The following GUCY1A2 variants were observed in gnomAD, a reference collection of about 807,000 sequenced individuals.
GUCY1A2 encodes guanylate cyclase 1 soluble subunit alpha 2, also known as guanylate cyclase soluble subunit alpha-2.
A neutral mutation model predicts 63.5 loss-of-function variants in GUCY1A2; 27 were observed. The ratio of observed to expected loss-of-function variants is 0.43; its 90% CI spans 0.31 to 0.59. GUCY1A2 has a LOEUF of 0.59. Among genes scored for constraint, GUCY1A2 ranks in the 20% least tolerant of loss-of-function variants. The probability of loss-of-function intolerance (pLI) is 0.11; values close to 1 mark genes in which losing one functional copy is unlikely to be tolerated. For missense variants in GUCY1A2, 768 were observed against 913.3 expected (o/e 0.84, Z 2.05); for synonymous variants, 364 against 343.5 (o/e 1.06, Z -0.66).
chr11:106,900,196 T>C (rs1860111675), intron 4 of GUCY1A2, among the ~76,000 whole-genome samples: 1 of 152,154 alleles, frequency 6.6e-6, no homozygotes, highest in South Asian at 2.1e-4. Flanking sequence ...ATTGTTATTA[T>C]TATTTTGAGA....
intron 4 of GUCY1A2, among the ~76,000 whole-genome samples, chr11:106,854,607 G>A (rs1414567907): frequency 1.3e-5 from 2 of 152,182 alleles, no homozygotes; most frequent in African/African-American, 4.8e-5. Flanking sequence ...GCATGCACAA[G>A]CATCAACAGT....
intron 1 of GUCY1A2, among the ~76,000 whole-genome samples, chr11:107,008,398 CTT>C (rs1861701357): frequency 6.6e-6 from 1 of 151,644 alleles, no homozygotes; most frequent in East Asian, 1.9e-4. Flanking sequence ...TTTAGAAAAT[CTT>C]AACGCATTCT....
In GUCY1A2 at chr11:106,753,258, T is replaced by C. The variant is rs184592378; in HGVS notation, c.1836+23181A>G. On this transcript the variant is annotated intron_variant, in intron 6 of 7. Transcript: ENST00000526355. ...ATTTGTTGAAGTTCTTTATAGATTC[T>C]GGATATTAGCCCTTTGTCAGATGGA... is the stretch of plus-strand genomic sequence containing the variant. 2.2e-3 allele frequency among the ~76,000 whole-genome samples: 333 copies of C among 152,342 alleles called. 1 individual carries two copies. Among genetic ancestry groups the C allele is most frequent in the Non-Finnish European group, 3.8e-3 (259 of 68,018 alleles).
chr11:106,879,034 A>G (rs182007134), intron 4 of GUCY1A2, among the ~76,000 whole-genome samples: 58 of 152,122 alleles, frequency 3.8e-4, no homozygotes, highest in Non-Finnish European at 6.8e-4. Flanking sequence ...GTTCAACACT[A>G]TTTTCTCTAC....
intron 4 of GUCY1A2, among the ~76,000 whole-genome samples, chr11:106,871,377 G>C (rs1229959499): frequency 6.6e-6 from 1 of 152,104 alleles, no homozygotes; most frequent in Admixed American, 6.6e-5. Context: ...TTGGATGCTA[G>C]ATGTCCAAAA....
intron 7 of GUCY1A2, among the ~76,000 whole-genome samples, chr11:106,699,026 A>G (rs1185341815): frequency 6.6e-6 from 1 of 152,192 alleles, no homozygotes; most frequent in Non-Finnish European, 1.5e-5. Context: ...CTTAAATGTA[A>G]CAGCAGCCCC....
intron 6 of GUCY1A2, among the ~76,000 whole-genome samples, chr11:106,738,049 C>A (rs925911017): frequency 6.6e-6 from 1 of 152,192 alleles, no homozygotes; most frequent in South Asian, 2.1e-4. Flanking sequence ...ACATCCTCTC[C>A]AGCAACTGTT....
intron 4 of GUCY1A2, among the ~76,000 whole-genome samples, chr11:106,929,200 AAT>A (rs765048912): frequency 5.3e-5 from 8 of 152,228 alleles, no homozygotes; most frequent in Non-Finnish European, 7.4e-5. Context: ...GAAAAATGTA[AAT>A]AAGTGGCTTT....
intron 6 of GUCY1A2, among the ~76,000 whole-genome samples, chr11:106,716,429 AT>A (rs1565267584): frequency 6.6e-6 from 1 of 152,146 alleles, no homozygotes; most frequent in Non-Finnish European, 1.5e-5. Context: ...TGCAGACTTT[AT>A]ATCCAATCCT....
chr11:106,985,952 C>T, intron 2 of GUCY1A2, 118 bp downstream of exon 2: 3 of 699,346 alleles, frequency 4.3e-6, no homozygotes, highest in East Asian at 2.5e-5. Flanking sequence ...ACTATGAAAA[C>T]ATAGCCACTA....
chr11:107,008,592 A>T (rs1450096854), intron 1 of GUCY1A2, among the ~76,000 whole-genome samples: 1 of 152,350 alleles, frequency 6.6e-6, no homozygotes, highest in East Asian at 1.9e-4. Context: ...ACAAACATTT[A>T]TTGAGTGCCT....
chr11:106,715,047 C>T lies in GUCY1A2; in HGVS notation c.1837-6381G>A, dbSNP rs115974022. ...AAAACACAAAAACTTAAGGATATAT[C>T]GTGAGGTTAGGCTATCTATCACCCA... On this transcript the variant is annotated intron_variant, in intron 6 of 7. Coordinates refer to ENST00000526355, the MANE Select transcript of GUCY1A2 (RefSeq NM_000855.3). Among the ~76,000 whole-genome samples the T allele has an allele frequency of 6.7e-3, 1,013 of 152,156 alleles. 13 individuals carry two copies. The highest frequency in any genetic ancestry group is 0.022 in the African/African-American group (918 of 41,508).
intron 4 of GUCY1A2, among the ~76,000 whole-genome samples, chr11:106,904,767 C>T (rs1419318030): frequency 7.6e-5 from 11 of 145,380 alleles, no homozygotes; most frequent in Admixed American, 3.4e-4. Context: ...AGTGAGAGCT[C>T]AAAAAAAAAC....
chr11:106,895,328 C>A (rs757575780), intron 4 of GUCY1A2, among the ~76,000 whole-genome samples: 2 of 152,092 alleles, frequency 1.3e-5, no homozygotes, highest in Non-Finnish European at 2.9e-5. Context: ...TTATACCATG[C>A]CATTTTTCTA....
chr11:106,909,057 A>G (rs1336610254), intron 4 of GUCY1A2, among the ~76,000 whole-genome samples: 5 of 152,022 alleles, frequency 3.3e-5, no homozygotes, highest in Admixed American at 6.6e-5. Context: ...GAATGAATGA[A>G]AGGGATAATT....
At chr11:106,703,706 T>G (rs1862856914) in intron 7 of GUCY1A2, among the ~76,000 whole-genome samples, 1 of 152,082 alleles carries the variant, frequency 6.6e-6, no homozygotes, top group Admixed American at 6.6e-5. Context: ...AAATAATGTT[T>G]GTGTTGTTGA....
At chr11:106,757,166 T>C (rs1480496788) in intron 6 of GUCY1A2, among the ~76,000 whole-genome samples, 3 of 152,200 alleles carry the variant, frequency 2.0e-5, no homozygotes, top group African/African-American at 7.2e-5. Flanking sequence ...GTATACTTCA[T>C]GAAGTTCTTG....
intron 4 of GUCY1A2, among the ~76,000 whole-genome samples, chr11:106,910,799 TGAGA>T (rs1483187309): frequency 1.3e-5 from 2 of 152,082 alleles, no homozygotes; most frequent in African/African-American, 4.8e-5. Context: ...AACTATTTCC[TGAGA>T]AAGACTTCAA....
chr11:106,754,750 G>C (rs367746169), intron 6 of GUCY1A2, among the ~76,000 whole-genome samples: 3 of 152,114 alleles, frequency 2.0e-5, no homozygotes, highest in East Asian at 3.9e-4. Flanking sequence ...TGCTGGATTT[G>C]GTTTGCCAGT....
Sources: gnomAD v4.1 joint callset for allele counts (sites outside exome capture counted in the v4.1 genomes callset) on GRCh38, gnomAD v4.1.1 for gene constraint, MANE v1.5 for transcripts, NCBI Gene and HGNC (gene_info 2026-07-23, HGNC 2026-07-21) for gene names.